Variants in EPS8L2 observed in about 807,000 individuals in gnomAD.
EPS8L2 encodes epidermal growth factor receptor kinase substrate 8-like protein 2.
Under a neutral mutation model 99.4 loss-of-function variants are expected in EPS8L2, and 81 were observed. The observed-to-expected ratio is 0.82, with a 90% CI of 0.68 to 0.98. The LOEUF is 0.98. Among genes scored for constraint, EPS8L2 ranks in the 50% least tolerant of loss-of-function variants. The probability of loss-of-function intolerance (pLI) is 0.00; values close to 1 mark genes in which losing one functional copy is unlikely to be tolerated. For synonymous variants in EPS8L2, 509 were observed against 407.3 expected (o/e 1.25, Z -3.01); for missense variants, 1,155 against 968.8 (o/e 1.19, Z -2.55).
intron 5 of EPS8L2, 73 bp from the exon 6 acceptor site, chr11:720,524 C>T (rs964084335): frequency 6.5e-7 from 1 of 1,549,462 alleles, no homozygotes; most frequent in African/African-American, 1.4e-5. Flanking sequence ...CAGGCTTGTC[C>T]ACAGCTCCGG....
chr11:726,028 G>T, intron 17 of EPS8L2, 70 bp from the exon 18 acceptor site: 1 of 1,311,306 alleles, frequency 7.6e-7, no homozygotes, highest in Non-Finnish European at 1.1e-6. Context: ...GGCGGGGTGG[G>T]GAGGTCCCGG....
Position 721,129 on chromosome 11 carries a change from TC to T in EPS8L2, c.627del (p.Phe210SerfsTer43). The T allele has an allele frequency of 6.5e-7, 1 of 1,535,126 alleles. No homozygotes were observed. The highest frequency in any genetic ancestry group is 8.7e-7 in the Non-Finnish European group (1 of 1,143,186). Reference protein sequence around the residue: ...ILPPPQGPAPIPFQHRGGDSP... With the variant: ...ILPPPQGPAPXPFQHRGGDSP... ...CCTCCTCCCCAGGGCCCGGCGCCCA[TC>T]CCCTTCCAGCACCGCGGCGGGGATT... On this transcript the variant is annotated frameshift_variant, in exon 8 of 21. Coordinates refer to ENST00000318562, the MANE Select transcript of EPS8L2 (RefSeq NM_022772.4). LOFTEE classifies it high-confidence loss of function.
In EPS8L2 at chr11:716,528, A is replaced by T. The variant is rs530508592; in HGVS notation, c.166-3534A>T. 1.3e-4 allele frequency among the ~76,000 whole-genome samples: 20 copies of T among 152,262 alleles called. No individual in the cohort carries two copies. The East Asian group carries it at 3.9e-3, about 29-fold the overall frequency. ...CTCCTTGGCCTCCCAAAGTGCTGGG[A>T]TTACAGGCGTGAGCCACCGTGCCTG... is the stretch of plus-strand genomic sequence containing the variant. On this transcript the variant is annotated intron_variant, in intron 4 of 20. Transcript: ENST00000318562.
At chr11:710,759 AAAGAGAGAAAGGGAGG>A (rs931652936) in intron 4 of EPS8L2, among the ~76,000 whole-genome samples, 3 of 152,050 alleles carry the variant, frequency 2.0e-5, no homozygotes, top group Admixed American at 1.3e-4. Flanking sequence ...AGAAAGAGAG[AAAGAGAGAAAGGGAGG>A]AAGGGAGGAA....
In EPS8L2 at chr11:721,701, A is replaced by C; in HGVS notation, c.895+10A>C. 6.2e-7 allele frequency: 1 copy of C among 1,601,618 alleles called. No homozygotes were observed. On this transcript the variant is annotated intron_variant, in intron 10 of 20. Transcript: ENST00000318562. ...AAGAAGGCGCCAGCAGGTGCAGGGG[A>C]CAGGGACGGGGCCGGCAGGTGCAGG...
rs1238562853 is a variant in EPS8L2, at chr11:726,109, G to C, written c.1692G>C (p.Lys564Asn). 1.2e-6 allele frequency: 2 copies of C among 1,601,816 alleles called. No individual in the cohort carries two copies. Among genetic ancestry groups the C allele is most frequent in the African/African-American group, 1.3e-5 (1 of 74,468 alleles). Residue 564 changes from lysine (K) to asparagine (N), a missense_variant, in exon 18 of 21, where the codon AAG becomes AAC. By Grantham distance (94) the Lys-to-Asn change is moderately conservative (BLOSUM62 0). Transcript: ENST00000318562. ...AGAPFEQAGQ[K>N]YWGPASPTHK... Reference sequence around the variant, plus strand: ...CCCCGCCCCCGCAGGCCGGTCAGAAGTACTGGGGCCCCGCCAGCCCGACCC... The same window carrying C: ...CCCCGCCCCCGCAGGCCGGTCAGAACTACTGGGGCCCCGCCAGCCCGACCC...
At chr11:720,960 CG>C (rs1486695637) in intron 7 of EPS8L2, 51 bp downstream of exon 7, 4 of 1,053,686 alleles carry the variant, frequency 3.8e-6, no homozygotes, top group Non-Finnish European at 5.2e-6. Flanking sequence ...GGGAGGAGCC[CG>C]GCAGGGGAGG....
intron 4 of EPS8L2, among the ~76,000 whole-genome samples, chr11:717,785 A>G (rs995340967): frequency 2.6e-5 from 4 of 151,956 alleles, no homozygotes; most frequent in African/African-American, 9.7e-5. Context: ...CGAGGCGGGC[A>G]GATCACAAGG....
At position 709,393 on chromosome 11, in the gene EPS8L2, G is replaced by A. The variant is rs199799190; in HGVS notation, c.-15G>A. The A allele has an allele frequency of 3.3e-5, 52 of 1,573,462 alleles. No homozygotes were observed. The highest frequency in any genetic ancestry group is 4.7e-5 in the East Asian group (2 of 42,138). ...GAGGTCTGCCCTTCTCCCGCTGGCCGCCACCCAAGACACCATGAGCCAGTC... is the reference window on the plus strand; with the variant it reads ...GAGGTCTGCCCTTCTCCCGCTGGCCACCACCCAAGACACCATGAGCCAGTC... On this transcript the variant is annotated 5_prime_UTR_variant, in exon 2 of 21. Transcript: ENST00000318562.
rs1015744955 is a variant in EPS8L2, at chr11:710,466, A to G, written c.145A>G (p.Thr49Ala). Residue 49 changes from threonine (T) to alanine (A), a missense_variant, in exon 4 of 21, where the codon ACC becomes GCC. Coordinates refer to ENST00000318562, the MANE Select transcript of EPS8L2 (RefSeq NM_022772.4). ...CAACTCCAACGTCATCATGCACGAG[A>G]CCTCGCAGTACCACGTCCAGGTAAG... ...YSNSNVIMHE[T>A]SQYHVQHLAT... 1 of 1,613,572 alleles carries G rather than the reference A, an allele frequency of 6.2e-7. No individual in the cohort carries two copies. Among genetic ancestry groups the G allele is most frequent in the Non-Finnish European group, 8.5e-7 (1 of 1,179,940 alleles).
rs150875130 is a variant in EPS8L2, at chr11:708,798, G to C, written c.-78-532G>C. 8.3e-3 allele frequency: 1,301 copies of C among 157,258 alleles called. 13 individuals are homozygous for C. Among genetic ancestry groups the C allele is most frequent in the African/African-American group, 0.03 (1,228 of 41,572 alleles). The allele number at this position is 157,258 out of a possible 1,614,324, so 9.7% of individuals were successfully genotyped here. On this transcript the variant is annotated intron_variant, in intron 1 of 20. Coordinates refer to ENST00000318562, the MANE Select transcript of EPS8L2 (RefSeq NM_022772.4). ...GTGTGGGTGGCAAGTCCACATGTGG[G>C]TGCAGGAGCCCCTTGGGGTGCAGGC...
chr11:719,981 C>A, intron 4 of EPS8L2, 81 bp from the exon 5 acceptor site: 2 of 1,448,072 alleles, frequency 1.4e-6, no homozygotes, highest in Admixed American at 2.3e-5. Flanking sequence ...GCCCCTCAGC[C>A]CCTCAGGCTG....
rs1862116865 is a variant in EPS8L2 at position 720,128 on chromosome 11, C to G, written c.232C>G (p.Leu78Val). ...ITSVDDAIRK[L>V]VQLSSKEKIW... ...GTCTGTGGACGACGCCATCCGGAAG[C>G]TGGTGCAGCTGAGCTCCAAGGAGAA... Residue 78 changes from leucine to valine, a missense_variant, in exon 5 of 21, where the codon CTG becomes GTG. Transcript: ENST00000318562. 1 of 1,613,344 alleles carries G rather than the reference C, an allele frequency of 6.2e-7. No individual in the cohort carries two copies. The highest frequency in any genetic ancestry group is 2.2e-5 in the East Asian group (1 of 44,884).
In EPS8L2 at chr11:722,778, G is replaced by A. The variant is rs972599529; in HGVS notation, c.1314G>A (p.Glu438=). Residue 438 remains glutamate (E), a synonymous_variant, in exon 14 of 21, where the codon GAG becomes GAA. Coordinates refer to ENST00000318562, the MANE Select transcript of EPS8L2 (RefSeq NM_022772.4). The part of the protein sequence containing the change: ...DVLQEAPWEV[E]GLASAPIEEV... ...TGCAGGAGGCCCCCTGGGAGGTGGA[G>A]GGGCTGGCGTCTGCCCCCATCGAGG... 6.3e-7 allele frequency: 1 copy of A among 1,594,548 alleles called. No homozygotes were observed.
rs1862277337 is a variant in EPS8L2 at position 724,995 on chromosome 11, A to C, written c.1560+166A>C. Among the ~76,000 whole-genome samples, 1 of 152,212 alleles carries C rather than the reference A, an allele frequency of 6.6e-6. No individual in the cohort carries two copies. Among genetic ancestry groups the C allele is most frequent in the Admixed American group, 6.5e-5 (1 of 15,286 alleles). ...GGGTCCCCGCCCTTGGACTCTGATC[A>C]GGATCCCCAGCCTGTTGGAGGGGCC... is the stretch of plus-strand genomic sequence containing the variant. On this transcript the variant is annotated intron_variant, in intron 16 of 20. Coordinates refer to ENST00000318562, the MANE Select transcript of EPS8L2 (RefSeq NM_022772.4). This position sits in a 1 kb window ranked among gnomAD's most constrained non-coding sequence, Gnocchi z 5.5.
At chr11:716,383 T>C (rs1182485281) in intron 4 of EPS8L2, among the ~76,000 whole-genome samples, 2 of 151,996 alleles carry the variant, frequency 1.3e-5, no homozygotes, top group African/African-American at 4.8e-5. Context: ...CTCCTGACTT[T>C]GTGATCTGCC....
At chr11:716,387 A>T (rs1862028536) in intron 4 of EPS8L2, among the ~76,000 whole-genome samples, 1 of 152,018 alleles carries the variant, frequency 6.6e-6, no homozygotes, top group Admixed American at 6.6e-5. Context: ...TGACTTTGTG[A>T]TCTGCCTGCC....
At position 726,754 on chromosome 11, in the gene EPS8L2, G is replaced by T; in HGVS notation, c.2067+3G>T. The T allele has an allele frequency of 6.3e-7, 1 of 1,586,218 alleles. No homozygotes were observed. The highest frequency in any genetic ancestry group is 8.6e-7 in the Non-Finnish European group (1 of 1,168,400). On this transcript the variant is annotated splice_donor_region_variant and intron_variant, in intron 20 of 20. Transcript: ENST00000318562. The stretch of plus-strand genomic sequence containing the variant: ...CCATGCAGAAGGCCTTCCTGGAGGT[G>T]AGCCCGCCTGCGCTCCGGCGCCACG...
chr11:722,070 C>A, intron 11 of EPS8L2, 21 bp from the exon 12 acceptor site: 1 of 1,612,602 alleles, frequency 6.2e-7, no homozygotes, highest in Non-Finnish European at 8.5e-7. Context: ...CCGGCACCTG[C>A]TCACTTGTTC....
Sources: gnomAD v4.1 joint callset for allele counts (sites outside exome capture counted in the v4.1 genomes callset) on GRCh38, gnomAD v4.1.1 for gene constraint, Gnocchi (gnomAD v3.1) non-coding constraint, MANE v1.5 for transcripts, NCBI Gene and HGNC (gene_info 2026-07-23, HGNC 2026-07-21) for gene names.